The following EPDR1 variants were observed in gnomAD, a reference collection of about 807,000 sequenced individuals.
EPDR1 encodes mammalian ependymin-related protein 1.
A neutral mutation model predicts 23.7 loss-of-function variants in EPDR1; 27 were observed. The observed-to-expected ratio is 1.14, with a 90% CI of 0.84 to 1.57. EPDR1 has a LOEUF of 1.57. EPDR1 is among the 40% of genes most tolerant of loss of function. The pLI is 0.00. For synonymous variants in EPDR1, 137 were observed against 118.2 expected, an observed-to-expected ratio of 1.16 and a Z score of -1.03; for missense variants, 349 against 290.4, an observed-to-expected ratio of 1.20 and a Z score of -1.47.
chr7:37,933,576 A>G (rs1024942548), intron 1 of EPDR1, among the ~76,000 whole-genome samples: 2 of 152,120 alleles, frequency 1.3e-5, no homozygotes, highest in African/African-American at 4.8e-5. Flanking sequence ...TCTGCTTTGG[A>G]TGTGTTCTTT....
At chr7:37,937,647 T>C (rs2598104) in intron 1 of EPDR1, among the ~76,000 whole-genome samples, 51,481 of 151,920 alleles carry the variant, frequency 0.34, 8,890 homozygotes, top group South Asian at 0.46. Flanking sequence ...GGTTAGTGAC[T>C]GAGGGGGCAC....
At position 37,926,946 on chromosome 7, in the gene EPDR1, G is replaced by C. The variant is rs189358084; in HGVS notation, c.269+5738G>C. 8.8e-4 allele frequency among the ~76,000 whole-genome samples: 134 copies of C among 152,196 alleles called. 1 individual carries two copies. Among genetic ancestry groups the C allele is most frequent in the Non-Finnish European group, 7.4e-5 (5 of 68,008 alleles). On this transcript the variant is annotated intron_variant, in intron 1 of 2. Coordinates refer to ENST00000199448, the MANE Select transcript of EPDR1 (RefSeq NM_017549.5). Reference sequence around the variant, plus strand: ...ATTTGCTCTCGTTGTTTACTTTGCTGTTCATAATGTCCTAGATTTGGCCAG... The same window carrying C: ...ATTTGCTCTCGTTGTTTACTTTGCTCTTCATAATGTCCTAGATTTGGCCAG...
intron 1 of EPDR1, among the ~76,000 whole-genome samples, chr7:37,933,976 C>CTTT (rs576903776): frequency 2.2e-5 from 3 of 133,372 alleles, no homozygotes; most frequent in Non-Finnish European, 4.8e-5. Context: ...TTCTGCCATT[C>CTTT]TTTTTTTTTT....
intron 1 of EPDR1, among the ~76,000 whole-genome samples, chr7:37,945,547 G>T (rs1455584794): frequency 1.3e-5 from 2 of 152,210 alleles, no homozygotes; most frequent in African/African-American, 4.8e-5. Context: ...GTGGTCCCAT[G>T]AGATTACAAT....
At chr7:37,926,577 T>C in intron 1 of EPDR1, 3 of 400,702 alleles carry the variant, frequency 7.5e-6, no homozygotes, top group Non-Finnish European at 1.6e-5. Context: ...AAGTCTTCCT[T>C]GCACTTTAGT....
chr7:37,927,998 G>A (rs2132002057), intron 1 of EPDR1, among the ~76,000 whole-genome samples: 1 of 152,232 alleles, frequency 6.6e-6, no homozygotes, highest in South Asian at 2.1e-4. Flanking sequence ...TTGATTTAAG[G>A]GACTTAATTC....
intron 1 of EPDR1, among the ~76,000 whole-genome samples, chr7:37,944,388 G>A (rs1786231624): frequency 1.3e-5 from 2 of 152,178 alleles, no homozygotes; most frequent in South Asian, 4.1e-4. Context: ...TCTCCTCTCT[G>A]GTCTAGTAAA....
At chr7:37,923,271 G>C (rs947123682) in intron 1 of EPDR1, among the ~76,000 whole-genome samples, 2 of 152,210 alleles carry the variant, frequency 1.3e-5, no homozygotes, top group Admixed American at 1.3e-4. Flanking sequence ...GGTGAGAGAT[G>C]GGTAGTAGCG....
chr7:37,924,587 C>G (rs759084083), intron 1 of EPDR1, among the ~76,000 whole-genome samples: 59 of 152,142 alleles, frequency 3.9e-4, no homozygotes, highest in Non-Finnish European at 7.3e-4. Flanking sequence ...TGTCCCTTTG[C>G]GGTGATTTCT....
At position 37,940,058 on chromosome 7, in the gene EPDR1, G is replaced by A. The variant is rs575857388; in HGVS notation, c.270-8782G>A. Among the ~76,000 whole-genome samples the A allele has an allele frequency of 3.8e-3, 571 of 152,206 alleles. 3 individuals carry two copies. The highest frequency in any genetic ancestry group is 4.6e-3 in the Non-Finnish European group (315 of 68,008). Reference sequence around the variant, plus strand: ...GTTTATTGGTAGAAGACTGGCTAAAGAAATAATGATATTTGCACACAGTAA... The same window carrying A: ...GTTTATTGGTAGAAGACTGGCTAAAAAAATAATGATATTTGCACACAGTAA... On this transcript the variant is annotated intron_variant, in intron 1 of 2. Transcript: ENST00000199448.
intron 1 of EPDR1, among the ~76,000 whole-genome samples, chr7:37,930,157 A>G (rs1036565276): frequency 2.6e-5 from 4 of 152,164 alleles, no homozygotes; most frequent in African/African-American, 7.2e-5. Flanking sequence ...TTAAAGTTAG[A>G]TCTTCTGGTA....
intron 1 of EPDR1, among the ~76,000 whole-genome samples, 189 bp from the exon 2 acceptor site, chr7:37,948,651 C>A (rs1317552415): frequency 6.6e-6 from 1 of 152,150 alleles, no homozygotes; most frequent in Non-Finnish European, 1.5e-5. Context: ...CTCGGTCTGA[C>A]CTGTGAATTC....
At chr7:37,937,642 G>C (rs1415899594) in intron 1 of EPDR1, among the ~76,000 whole-genome samples, 2 of 152,138 alleles carry the variant, frequency 1.3e-5, no homozygotes, top group African/African-American at 2.4e-5. Flanking sequence ...TGAAAGGTTA[G>C]TGACTGAGGG....
At chr7:37,943,930 G>T (rs1562863118) in intron 1 of EPDR1, among the ~76,000 whole-genome samples, 2 of 152,200 alleles carry the variant, frequency 1.3e-5, no homozygotes, top group Non-Finnish European at 2.9e-5. Flanking sequence ...TCTGTTGCAG[G>T]TGACTGACCA....
intron 1 of EPDR1, among the ~76,000 whole-genome samples, chr7:37,941,834 A>G (rs1386173271): frequency 6.6e-6 from 1 of 152,186 alleles, no homozygotes; most frequent in Non-Finnish European, 1.5e-5. Context: ...TTTTATTTCT[A>G]AGATACAGTC....
At chr7:37,923,411 C>T (rs1318089231) in intron 1 of EPDR1, among the ~76,000 whole-genome samples, 1 of 152,058 alleles carries the variant, frequency 6.6e-6, no homozygotes, top group Non-Finnish European at 1.5e-5. Context: ...TAAAGAGGCC[C>T]CCATTTTTGG....
chr7:37,920,929 G>A lies in EPDR1; in HGVS notation c.-11G>A, dbSNP rs1785679017. On this transcript the variant is annotated 5_prime_UTR_variant, in exon 1 of 3. Coordinates refer to ENST00000199448, the MANE Select transcript of EPDR1 (RefSeq NM_017549.5). ...TTGGGCTTGCCCTCGGGCCGGGGAAGGCTGACCGCGATGCCAGGACGCGCT... is the reference window on the plus strand; with the variant it reads ...TTGGGCTTGCCCTCGGGCCGGGGAAAGCTGACCGCGATGCCAGGACGCGCT... The A allele has an allele frequency of 1.2e-6, 2 of 1,609,406 alleles. No individual in the cohort carries two copies. Among genetic ancestry groups the A allele is most frequent in the South Asian group, 1.1e-5 (1 of 90,618 alleles).
chr7:37,949,447 C>A (rs1490676520), intron 2 of EPDR1, among the ~76,000 whole-genome samples: 1 of 152,174 alleles, frequency 6.6e-6, no homozygotes, highest in Non-Finnish European at 1.5e-5. Flanking sequence ...GTGTGCAAAC[C>A]AGCCTACTTT....
intron 1 of EPDR1, chr7:37,921,495 C>A (rs1206688673): frequency 1.5e-6 from 2 of 1,339,088 alleles, no homozygotes; most frequent in Non-Finnish European, 1.9e-6. Context: ...CTGCAGAGTG[C>A]CCCATGCCCA....
Sources: allele counts gnomAD v4.1 joint callset (sites outside exome capture counted in the v4.1 genomes callset), GRCh38; gene constraint gnomAD v4.1.1; transcripts MANE v1.5; gene names NCBI Gene and HGNC (gene_info 2026-07-23, HGNC 2026-07-21).